Variants in PRICKLE1 observed in about 807,000 individuals in gnomAD.
The protein encoded by PRICKLE1 is prickle planar cell polarity protein 1.
PRICKLE1 carries 14 observed loss-of-function variants against 70.2 expected under a neutral mutation model. The ratio of observed to expected loss-of-function variants is 0.20; its 90% CI spans 0.13 to 0.31. The LOEUF (loss-of-function observed/expected upper bound fraction) is 0.31, where lower values mean the gene tolerates loss of function less well. Ranked by LOEUF, PRICKLE1 falls within the 10% of genes least tolerant of loss-of-function variation. The pLI, the probability that PRICKLE1 is intolerant of heterozygous loss-of-function variation, is 1.00. For missense variants in PRICKLE1, 821 were observed against 1,026.2 expected (o/e 0.80, Z 2.73); for synonymous variants, 357 against 379.9 (o/e 0.94, Z 0.70).
At chr12:42,580,002 G>T (rs912207555) in intron 1 of PRICKLE1, among the ~76,000 whole-genome samples, 1 of 152,000 alleles carries the variant, frequency 6.6e-6, no homozygotes, top group Non-Finnish European at 1.5e-5. Context: ...CTCCTGGGTA[G>T]TTGGGATTAC....
At chr12:42,541,471 G>A (rs564533246) in intron 1 of PRICKLE1, among the ~76,000 whole-genome samples, 1 of 152,048 alleles carries the variant, frequency 6.6e-6, no homozygotes, top group South Asian at 2.1e-4. Context: ...CTCCCAAGTA[G>A]TCAGGACAGG....
intron 1 of PRICKLE1, among the ~76,000 whole-genome samples, chr12:42,537,653 G>A (rs1592011021): frequency 6.6e-6 from 1 of 152,218 alleles, no homozygotes; most frequent in Non-Finnish European, 1.5e-5. Flanking sequence ...AGTGATTGAA[G>A]CCTTGGAGAT....
In PRICKLE1 at chr12:42,506,263, T is replaced by TG. The variant is rs1425881824; in HGVS notation, c.-48-33700_-48-33699insC. ...AATGTTCTTTTTTCTTTCTTTCTTT[T>TG]TTTTTTTTTTTGAGATGGAGTCTCT... On this transcript the variant is annotated intron_variant, in intron 1 of 7. Transcript: ENST00000345127. Among the ~76,000 whole-genome samples the TG allele has an allele frequency of 6.2e-3, 906 of 146,720 alleles. 7 individuals carry two copies. Among genetic ancestry groups the TG allele is most frequent in the Middle Eastern group, 0.011 (3 of 282 alleles).
At chr12:42,526,603 G>A (rs966008498) in intron 1 of PRICKLE1, among the ~76,000 whole-genome samples, 20 of 152,126 alleles carry the variant, frequency 1.3e-4, no homozygotes, top group African/African-American at 4.6e-4. Flanking sequence ...GAGTCCTGGA[G>A]GAGCCGACTG....
intron 1 of PRICKLE1, among the ~76,000 whole-genome samples, chr12:42,542,962 C>T (rs1407200732): frequency 1.3e-5 from 2 of 152,206 alleles, no homozygotes; most frequent in East Asian, 3.9e-4. Flanking sequence ...GCAGAGCTCT[C>T]ACAAACAGGA....
intron 1 of PRICKLE1, among the ~76,000 whole-genome samples, chr12:42,557,545 A>T (rs1304155314): frequency 6.6e-6 from 1 of 152,146 alleles, no homozygotes; most frequent in Non-Finnish European, 1.5e-5. Context: ...CAAAGTAACA[A>T]ACAGAACTCC....
At position 42,464,546 on chromosome 12, in the gene PRICKLE1, C is replaced by G. The variant is rs762118167; in HGVS notation, c.1488G>C (p.Arg496Ser). 14 of 1,613,960 alleles carry G rather than the reference C, an allele frequency of 8.7e-6. No homozygotes were observed. The highest frequency in any genetic ancestry group is 1.1e-5 in the Non-Finnish European group (13 of 1,180,010). Residue 496 changes from arginine (R) to serine (S), a missense_variant, in exon 7 of 8, where the codon AGG (arginine) becomes AGC (serine). Transcript: ENST00000345127. This position sits in a 1 kb window ranked among gnomAD's most constrained non-coding sequence, Gnocchi z 4.2. ...GSHPGPASSR[R>S]LQELELDHGA... The stretch of plus-strand genomic sequence containing the variant: ...CATGGTCCAGTTCCAATTCCTGAAG[C>G]CTTCTACTGCTTGCAGGGCCTGGGT...
In PRICKLE1 at chr12:42,506,247, T is replaced by C. The variant is rs187098843; in HGVS notation, c.-48-33683A>G. Among the ~76,000 whole-genome samples the C allele has an allele frequency of 1.2e-3, 117 of 96,832 alleles. 2 individuals are homozygous for C. The highest frequency in any genetic ancestry group is 5.8e-3 in the African/African-American group (108 of 18,498). 63.5% of individuals were successfully genotyped at this position (96,832 alleles called of 152,430 possible). On this transcript the variant is annotated intron_variant, in intron 1 of 7. Transcript: ENST00000345127. The stretch of plus-strand genomic sequence containing the variant: ...AATTATATAAGTAAAAAATGTTCTT[T>C]TTTCTTTCTTTCTTTTTTTTTTTTT...
At chr12:42,564,224 C>G (rs1940580247) in intron 1 of PRICKLE1, among the ~76,000 whole-genome samples, 2 of 134,308 alleles carry the variant, frequency 1.5e-5, no homozygotes, top group Admixed American at 1.7e-4. Context: ...CCACTGCACT[C>G]CAGCTTGGCA....
chr12:42,499,970 C>T (rs937727631), intron 1 of PRICKLE1, among the ~76,000 whole-genome samples: 60 of 151,318 alleles, frequency 4.0e-4, no homozygotes, highest in African/African-American at 1.2e-3. Flanking sequence ...AGGCTGGTCT[C>T]GGACTCCTGA....
intron 1 of PRICKLE1, among the ~76,000 whole-genome samples, chr12:42,563,478 C>T (rs6582402): frequency 0.98 from 148,259 of 151,512 alleles, 72,615 homozygotes; most frequent in Middle Eastern, 1. Context: ...GGCGGGCAGA[C>T]CACGAGATCA....
At chr12:42,536,121 C>A (rs981421733) in intron 1 of PRICKLE1, among the ~76,000 whole-genome samples, 1 of 152,060 alleles carries the variant, frequency 6.6e-6, no homozygotes, top group Non-Finnish European at 1.5e-5. Flanking sequence ...CTCAAATGTG[C>A]AAAAGCCAAA....
At chr12:42,577,329 T>C (rs912696370) in intron 1 of PRICKLE1, among the ~76,000 whole-genome samples, 1 of 152,164 alleles carries the variant, frequency 6.6e-6, no homozygotes, top group Non-Finnish European at 1.5e-5. Context: ...CATTGAACTC[T>C]AAGGTAAACT....
chr12:42,563,230 A>G (rs528035432), intron 1 of PRICKLE1, among the ~76,000 whole-genome samples: 1 of 152,088 alleles, frequency 6.6e-6, no homozygotes, highest in South Asian at 2.1e-4. Flanking sequence ...GGTTCTGGAT[A>G]AAGAGCTAAC....
chr12:42,503,047 C>G (rs1006216326), intron 1 of PRICKLE1, among the ~76,000 whole-genome samples: 3 of 152,278 alleles, frequency 2.0e-5, no homozygotes, highest in African/African-American at 4.8e-5. Context: ...TAAGAACAAA[C>G]AGAACATGTT....
At chr12:42,511,430 C>T (rs1321070511) in intron 1 of PRICKLE1, among the ~76,000 whole-genome samples, 1 of 152,242 alleles carries the variant, frequency 6.6e-6, no homozygotes, top group Non-Finnish European at 1.5e-5. Context: ...AAAGACTATA[C>T]TGGCTTGCAG....
chr12:42,582,713 C>A lies in PRICKLE1; in HGVS notation c.-49+6752G>T, dbSNP rs368494921. 1.2e-3 allele frequency among the ~76,000 whole-genome samples: 183 copies of A among 152,334 alleles called. 1 individual carries two copies. The highest frequency in any genetic ancestry group is 4.1e-3 in the South Asian group (20 of 4,828). On this transcript the variant is annotated intron_variant, in intron 1 of 7. Coordinates refer to ENST00000345127, the MANE Select transcript of PRICKLE1 (RefSeq NM_153026.3). The stretch of plus-strand genomic sequence containing the variant: ...ACTACATAGCACAAGCTTGTCCGAC[C>A]CACGGACCGTGGGCCACATGCAACC...
chr12:42,519,193 C>CTTTTTTTTTT lies in PRICKLE1; in HGVS notation c.-48-46639_-48-46630dup, dbSNP rs11342397. Among the ~76,000 whole-genome samples, 104 of 99,194 alleles carry CTTTTTTTTTT rather than the reference C, an allele frequency of 1.0e-3. 2 individuals are homozygous for CTTTTTTTTTT. The highest frequency in any genetic ancestry group is 1.4e-3 in the Non-Finnish European group (76 of 52,592). The allele number at this position is 99,194 out of a possible 152,430, so 65.1% of individuals were successfully genotyped here. On this transcript the variant is annotated intron_variant, in intron 1 of 7. Coordinates refer to ENST00000345127, the MANE Select transcript of PRICKLE1 (RefSeq NM_153026.3). ...TACTGAATTTCCTTTCCTTTTTTTCCTTTTTTTTTTTTTTTTTTTTGAGAT... is the reference window on the plus strand; with the variant it reads ...TACTGAATTTCCTTTCCTTTTTTTCCTTTTTTTTTTTTTTTTTTTTTTTTTTTTTTGAGAT...
At chr12:42,489,778 T>C (rs999158834) in intron 1 of PRICKLE1, 2 of 150,372 alleles carry the variant, frequency 1.3e-5, no homozygotes, top group African/African-American at 4.9e-5. Context: ...GCTTCAAGAG[T>C]GGACTCTCTG....
Sources: gnomAD v4.1 joint callset for allele counts (sites outside exome capture counted in the v4.1 genomes callset) on GRCh38, gnomAD v4.1.1 for gene constraint, Gnocchi (gnomAD v3.1) non-coding constraint, MANE v1.5 for transcripts, NCBI Gene and HGNC (gene_info 2026-07-23, HGNC 2026-07-21) for gene names.